Variants in ZNF121 observed in about 807,000 individuals in gnomAD.
ZNF121 encodes zinc finger protein 121, also known as zinc finger protein 121 (clone ZHC32).
Under a neutral mutation model 2.4 loss-of-function variants are expected in ZNF121, and 1 was observed. The ratio of observed to expected loss-of-function variants is 0.41; its 90% confidence interval spans 0.15 to 1.94. The LOEUF (loss-of-function observed/expected upper bound fraction) is 1.94, where lower values mean the gene tolerates loss of function less well. Ranked by LOEUF, ZNF121 falls within the 30% of genes most tolerant of loss-of-function variation. The probability of loss-of-function intolerance (pLI) is 0.30; values close to 1 mark genes in which losing one functional copy is unlikely to be tolerated. For missense variants in ZNF121, 369 were observed against 466.3 expected (o/e 0.79, Z 1.92); for synonymous variants, 173 against 158.6 (o/e 1.09, Z -0.68).
intron 1 of ZNF121, among the ~76,000 whole-genome samples, chr19:9,577,231 G>A (rs906106299): frequency 6.6e-6 from 1 of 151,872 alleles, no homozygotes; most frequent in Admixed American, 6.6e-5. Context: ...ATCACCTTAA[G>A]TTAGGAGTTT....
At chr19:9,583,489 C>T (rs866109021) in intron 1 of ZNF121, among the ~76,000 whole-genome samples, 21 of 56,388 alleles carry the variant, frequency 3.7e-4, no homozygotes, top group Middle Eastern at 0.023. Flanking sequence ...CCAAGCCTGG[C>T]TTTTTTTTTT....
rs1473109526 is a variant in ZNF121, at chr19:9,567,019, T to C, written c.94A>G (p.Thr32Ala). 6.2e-7 allele frequency: 1 copy of C among 1,614,054 alleles called. No individual in the cohort carries two copies. Among genetic ancestry groups the C allele is most frequent in the African/African-American group, 1.3e-5 (1 of 74,944 alleles). Residue 32 changes from threonine to alanine, a missense_variant, in exon 4 of 4, where the codon ACT becomes GCT. This residue lies in a region of ZNF121 where 168 missense variants were observed against 162.3 expected (regional missense o/e 1.03). Transcript: ENST00000320451. ...TCATAAGTGTCCCCTGTATTTTCAG[T>C]TCCCATGTGTGCATTAAGGCATGAG... ...EHSCLNAHMG[T>A]ENTGDTYDCD...
intron 2 of ZNF121, 122 bp downstream of exon 2, chr19:9,568,880 C>A (rs1430517607): frequency 6.6e-6 from 1 of 152,084 alleles, no homozygotes; most frequent in East Asian, 1.9e-4. Flanking sequence ...TTGAAGATAC[C>A]CTAAAACTTC....
intron 1 of ZNF121, among the ~76,000 whole-genome samples, chr19:9,583,697 G>A (rs529241018): frequency 4.6e-5 from 7 of 152,074 alleles, no homozygotes; most frequent in Admixed American, 1.3e-4. Flanking sequence ...TAGAGACAGG[G>A]TTTCACCATG....
In ZNF121 at chr19:9,566,037, A is replaced by G; in HGVS notation, c.1076T>C (p.Val359Ala). 1 of 1,613,964 alleles carries G rather than the reference A, an allele frequency of 6.2e-7. No homozygotes were observed. The highest frequency in any genetic ancestry group is 2.2e-5 in the East Asian group (1 of 44,846). ...FRASSHLQKH[V>A]RIHTGEKPYI... ...GGGTTTCTCTCCAGTGTGAATTCTAACATGTTTCTGTAGATGTGAAGAAGC... is the reference window on the plus strand; with the variant it reads ...GGGTTTCTCTCCAGTGTGAATTCTAGCATGTTTCTGTAGATGTGAAGAAGC... The change falls in exon 4 of 4, where the codon GTT becomes GCT. Residue 359 changes from valine (V) to alanine (A), a missense_variant. Transcript: ENST00000320451.
chr19:9,563,210 G>A lies in ZNF121; in HGVS notation c.*2730C>T, dbSNP rs999580766. 1 of 152,026 alleles carries A rather than the reference G, an allele frequency of 6.6e-6. No individual in the cohort carries two copies. Among genetic ancestry groups the A allele is most frequent in the Non-Finnish European group, 1.5e-5 (1 of 68,006 alleles). The allele number at this position is 152,026 out of a possible 1,614,324, so 9.4% of individuals were successfully genotyped here. ...AGGAAAACAGCCTCACCACTAACAC[G>A]GAATAAGTTTTAGTGGTCTGGATAG... On this transcript the variant is annotated 3_prime_UTR_variant, in exon 4 of 4. Transcript: ENST00000320451.
chr19:9,582,253 C>T (rs1429527460), intron 1 of ZNF121, among the ~76,000 whole-genome samples: 1 of 152,172 alleles, frequency 6.6e-6, no homozygotes, highest in African/African-American at 2.4e-5. Flanking sequence ...GTGACCTGCA[C>T]GTATACATCC....
At chr19:9,571,946 A>G (rs2074177288) in intron 1 of ZNF121, among the ~76,000 whole-genome samples, 1 of 152,048 alleles carries the variant, frequency 6.6e-6, no homozygotes. Flanking sequence ...TCTTTTTACT[A>G]TAGACATGAG....
At position 9,566,431 on chromosome 19, in the gene ZNF121, A is replaced by G. The variant is rs765254303; in HGVS notation, c.682T>C (p.Tyr228His). Residue 228 changes from tyrosine to histidine, a missense_variant, in exon 4 of 4, where the codon TAT (tyrosine) becomes CAT (histidine). This residue lies in a region of ZNF121 where 6 missense variants were observed against 28.6 expected (regional missense o/e 0.21). Transcript: ENST00000320451. ...HVRIHTGEKP[Y>H]ECNECGKAYN... Reference sequence around the variant, plus strand: ...GCTTTCCCACATTCGTTACATTCATAGGGCTTCTCTCCAGTGTGTATTCGT... The same window carrying G: ...GCTTTCCCACATTCGTTACATTCATGGGGCTTCTCTCCAGTGTGTATTCGT... The G allele has an allele frequency of 6.2e-7, 1 of 1,613,946 alleles. No homozygotes were observed. Among genetic ancestry groups the G allele is most frequent in the African/African-American group, 1.3e-5 (1 of 74,934 alleles).
chr19:9,576,953 C>G (rs746246375), intron 1 of ZNF121, among the ~76,000 whole-genome samples: 1 of 152,008 alleles, frequency 6.6e-6, no homozygotes, highest in Non-Finnish European at 1.5e-5. Context: ...AGATTGAAGC[C>G]GTAACAAAAT....
chr19:9,563,056 A>G lies in ZNF121; in HGVS notation c.*2884T>C, dbSNP rs2074110142. 1 of 150,334 alleles carries G rather than the reference A, an allele frequency of 6.7e-6. No individual in the cohort carries two copies. The highest frequency in any genetic ancestry group is 2.1e-4 in the South Asian group (1 of 4,808). 9.3% of individuals were successfully genotyped at this position (150,334 alleles called of 1,614,324 possible). On this transcript the variant is annotated 3_prime_UTR_variant, in exon 4 of 4. Transcript: ENST00000320451. ...GGCAAAAGGGAGACCATGTCTCAAA[A>G]AAAAAAAAAAAAAAAAAACTGGGAT... is the stretch of plus-strand genomic sequence containing the variant.
chr19:9,565,914 A>T lies in ZNF121; in HGVS notation c.*26T>A. ...TATGAGAAATTCCTAAAAGATTTCC[A>T]CATTCCTTACATTCAGAGTTTTTCT... is the stretch of plus-strand genomic sequence containing the variant. On this transcript the variant is annotated 3_prime_UTR_variant, in exon 4 of 4. Transcript: ENST00000320451. 6.8e-7 allele frequency: 1 copy of T among 1,478,454 alleles called. No homozygotes were observed. The allele number at this position is 1,478,454 out of a possible 1,614,324, so 91.6% of individuals were successfully genotyped here.
intron 1 of ZNF121, among the ~76,000 whole-genome samples, chr19:9,583,512 T>TTGTGTG (rs1555686371): frequency 1.2e-4 from 13 of 110,540 alleles, no homozygotes; most frequent in African/African-American, 6.0e-4. Context: ...TTTTTTTTTT[T>TTGTGTG]TGTGTGTGTG....
chr19:9,583,803 C>G (rs555978477), intron 1 of ZNF121, among the ~76,000 whole-genome samples: 88 of 152,280 alleles, frequency 5.8e-4, no homozygotes, highest in Admixed American at 4.2e-3. Flanking sequence ...GCGCGCCCAG[C>G]CTGCCTTTCT....
chr19:9,577,442 T>C lies in ZNF121; in HGVS notation c.-160+7019A>G, dbSNP rs370021506. 5.5e-4 allele frequency among the ~76,000 whole-genome samples: 82 copies of C among 149,144 alleles called. No homozygotes were observed. In the East Asian group the frequency reaches 0.014, roughly 25 times the overall value. ...TTCAGCCTGGGCAACAGAGCAAGAC[T>C]CCGTCTCAAAAAAGAAAAATAAAGA... On this transcript the variant is annotated intron_variant, in intron 1 of 3. Transcript: ENST00000320451.
rs200203067 is a variant in ZNF121, at chr19:9,560,484, A to T, written c.*5456T>A. On this transcript the variant is annotated 3_prime_UTR_variant, in exon 4 of 4. Transcript: ENST00000320451. ...CTTGCGTGGCTGACACTCAATACCC[A>T]TTGAACAACTCATTTTCTCCTCCAC... 13 of 152,322 alleles carry T rather than the reference A, an allele frequency of 8.5e-5. No individual in the cohort carries two copies. The East Asian group carries it at 1.9e-3, about 23-fold the overall frequency. The allele number at this position is 152,322 out of a possible 1,614,324, so 9.4% of individuals were successfully genotyped here.
At chr19:9,575,161 T>G (rs1391550285) in intron 1 of ZNF121, among the ~76,000 whole-genome samples, 1 of 152,204 alleles carries the variant, frequency 6.6e-6, no homozygotes, top group African/African-American at 2.4e-5. Context: ...GTCTCATGCC[T>G]GAAATCACAA....
Position 9,561,828 on chromosome 19 carries a change from G to A in ZNF121, c.*4112C>T, listed in dbSNP as rs1367029212. Reference sequence around the variant, plus strand: ...GAGCCCAGGAGGTCAAGGCTATAGTGAGGCATGATCATGCCACCGCACTCC... The same window carrying A: ...GAGCCCAGGAGGTCAAGGCTATAGTAAGGCATGATCATGCCACCGCACTCC... On this transcript the variant is annotated 3_prime_UTR_variant, in exon 4 of 4. Coordinates refer to ENST00000320451, the MANE Select transcript of ZNF121 (RefSeq NM_001008727.5). 6.6e-6 allele frequency: 1 copy of A among 150,386 alleles called. No homozygotes were observed. The highest frequency in any genetic ancestry group is 1.5e-5 in the Non-Finnish European group (1 of 67,666). 9.3% of individuals were successfully genotyped at this position (150,386 alleles called of 1,614,324 possible).
Position 9,578,728 on chromosome 19 carries a change from G to A in ZNF121, c.-160+5733C>T, listed in dbSNP as rs376444064. On this transcript the variant is annotated intron_variant, in intron 1 of 3. Coordinates refer to ENST00000320451, the MANE Select transcript of ZNF121 (RefSeq NM_001008727.5). The stretch of plus-strand genomic sequence containing the variant: ...GACATCTAACACCTGAAACTATAAA[G>A]CTACTAGAGGAAGAAACTGGGGAAA... Among the ~76,000 whole-genome samples the A allele has an allele frequency of 7.2e-4, 109 of 152,204 alleles. 1 individual carries two copies. The Middle Eastern group carries it at 0.01, about 14-fold the overall frequency.
Sources: allele counts gnomAD v4.1 joint callset (sites outside exome capture counted in the v4.1 genomes callset), GRCh38; gene constraint gnomAD v4.1.1; regional missense constraint gnomAD v4.1.1; transcripts MANE v1.5; gene names NCBI Gene and HGNC (gene_info 2026-07-23, HGNC 2026-07-21).